Variants in CR1 observed in about 807,000 individuals in gnomAD.
The protein encoded by CR1 is complement C3b/C4b receptor 1 (Knops blood group).
In CR1, 116 loss-of-function variants were observed where a neutral mutation model predicts 187.3. The observed-to-expected ratio is 0.62, with a 90% CI of 0.53 to 0.72. The LOEUF is 0.72. CR1 is among the 30% of genes least tolerant of loss of function. The probability of loss-of-function intolerance (pLI) is 0.00; values close to 1 mark genes in which losing one functional copy is unlikely to be tolerated. For synonymous variants in CR1, 576 were observed against 747.1 expected (o/e 0.77, Z 3.73); for missense variants, 1,731 against 2,110.7 (o/e 0.82, Z 3.52).
chr1:207,632,813 A>G (rs1405404589), intron 46 of CR1, among the ~76,000 whole-genome samples: 6 of 94,948 alleles, frequency 6.3e-5, no homozygotes, highest in Middle Eastern at 5.7e-3. Flanking sequence ...AAAAAAAAAA[A>G]AAAAAAAAAA....
At chr1:207,616,532 A>G in intron 40 of CR1, 43 bp from the exon 41 acceptor site, 1 of 1,593,844 alleles carries the variant, frequency 6.3e-7, no homozygotes, top group Non-Finnish European at 8.6e-7. Context: ...AGTCATCTTA[A>G]GTGAAATTCT....
At chr1:207,514,900 G>A (rs2102293511) in intron 4 of CR1, among the ~76,000 whole-genome samples, 1 of 149,128 alleles carries the variant, frequency 6.7e-6, no homozygotes, top group East Asian at 1.9e-4. Context: ...AAGGTATGTG[G>A]CCTGGAGTTT....
At position 207,567,905 on chromosome 1, in the gene CR1, C is replaced by G. The variant is rs747595626; in HGVS notation, c.4034C>G (p.Ala1345Gly). Residue 1345 changes from alanine to glycine, a missense_variant, in exon 25 of 47, where the codon GCA becomes GGA. Physicochemically the swap from Ala to Gly is moderately conservative, Grantham distance 60. Around this residue, in one of 5 missense-constraint regions of CR1, gnomAD observed 1,312 missense variants for 1,379.6 expected, o/e 0.95. Transcript: ENST00000367049. The part of the protein sequence containing the change: ...KPLEVFPFGK[A>G]VNYTCDPHPD... ...CTGGAAGTCTTTCCCTTTGGAAAAGCAGTAAATTACACATGCGACCCCCAC... is the reference window on the plus strand; with the variant it reads ...CTGGAAGTCTTTCCCTTTGGAAAAGGAGTAAATTACACATGCGACCCCCAC... The G allele has an allele frequency of 6.2e-7, 1 of 1,610,778 alleles. No homozygotes were observed. The highest frequency in any genetic ancestry group is 8.5e-7 in the Non-Finnish European group (1 of 1,179,644).
At position 207,496,336 on chromosome 1, in the gene CR1, C is replaced by CA. The variant is rs1659080438; in HGVS notation, c.69_70insA (p.Gly24ArgfsTer36). 3 of 1,613,196 alleles carry CA rather than the reference C, an allele frequency of 1.9e-6. No homozygotes were observed. Among genetic ancestry groups the CA allele is most frequent in the Non-Finnish European group, 2.5e-6 (3 of 1,179,730 alleles). Reference sequence around the variant, plus strand: ...CGGCGCCCGGTCTCCCCTTCTGCTGCGGAGGATCCCTGCTGGCGGTTGTGG... The same window carrying CA: ...CGGCGCCCGGTCTCCCCTTCTGCTGCAGGAGGATCCCTGCTGGCGGTTGTGG... On this transcript the variant is annotated frameshift_variant, in exon 1 of 47. Transcript: ENST00000367049. LOFTEE classifies it high-confidence loss of function.
At chr1:207,575,760 C>T in intron 28 of CR1, 80 bp downstream of exon 28, 1 of 1,595,564 alleles carries the variant, frequency 6.3e-7, no homozygotes, top group Non-Finnish European at 8.6e-7. Flanking sequence ...GAATGGATCT[C>T]ATCCCTCTTG....
chr1:207,599,780 C>T (rs2102371020), intron 35 of CR1, among the ~76,000 whole-genome samples: 1 of 152,202 alleles, frequency 6.6e-6, no homozygotes, highest in Non-Finnish European at 1.5e-5. Context: ...GAGGAGATAT[C>T]CTATACACAT....
chr1:207,513,154 G>C (rs773535467), intron 4 of CR1, among the ~76,000 whole-genome samples: 2 of 152,248 alleles, frequency 1.3e-5, no homozygotes, highest in Non-Finnish European at 2.9e-5. Flanking sequence ...TCGGCTATCC[G>C]TCTACTTTGG....
intron 46 of CR1, among the ~76,000 whole-genome samples, chr1:207,638,029 T>A (rs1662869823): frequency 6.6e-6 from 1 of 152,258 alleles, no homozygotes; most frequent in South Asian, 2.1e-4. Context: ...AGTAGTAGTC[T>A]GATTTCTATA....
intron 1 of CR1, among the ~76,000 whole-genome samples, chr1:207,498,336 G>A (rs1482612426): frequency 2.0e-5 from 3 of 152,166 alleles, no homozygotes; most frequent in Non-Finnish European, 4.4e-5. Flanking sequence ...GGCTTTACTA[G>A]CACTTAAAGA....
At chr1:207,575,789 T>C (rs747181771) in intron 28 of CR1, 109 bp downstream of exon 28, 14 of 1,544,666 alleles carry the variant, frequency 9.1e-6, no homozygotes, top group Non-Finnish European at 1.2e-5. Flanking sequence ...ATCCTTCTGA[T>C]ATTTGAAGAA....
intron 35 of CR1, chr1:207,600,684 T>A (rs1661577923): frequency 6.6e-6 from 1 of 152,158 alleles, no homozygotes. Context: ...TTCTTCTAAG[T>A]CCTTTACTTG....
intron 1 of CR1, among the ~76,000 whole-genome samples, chr1:207,499,583 C>T (rs1404315084): frequency 6.6e-6 from 1 of 152,196 alleles, no homozygotes; most frequent in Admixed American, 6.5e-5. Context: ...CAGCAGAGCA[C>T]ATATTCTCCC....
chr1:207,585,080 G>A (rs548395418), intron 33 of CR1, among the ~76,000 whole-genome samples: 1 of 152,288 alleles, frequency 6.6e-6, no homozygotes, highest in South Asian at 2.1e-4. Context: ...AACTCTTCTT[G>A]CTGGTGGAGT....
rs2102404266 is a variant in CR1 at position 207,621,985 on chromosome 1, C to T, written c.7265C>T (p.Ala2422Val). 1 of 1,597,508 alleles carries T rather than the reference C, an allele frequency of 6.3e-7. No homozygotes were observed. Among genetic ancestry groups the T allele is most frequent in the South Asian group, 1.1e-5 (1 of 88,720 alleles). The change falls in exon 44 of 47, where the codon GCT (alanine) becomes GTT (valine). Residue 2422 changes from alanine (A) to valine (V), a missense_variant. Coordinates refer to ENST00000367049, the MANE Select transcript of CR1 (RefSeq NM_000651.6). ...GTCTTCCTTTTAGGTACACATGATG[C>T]TCTCATAGTTGGTAAGTTTTATGAA... ...LAKCTSRTHDALIVGTLSGTI... is the reference protein window; with the variant it reads ...LAKCTSRTHDVLIVGTLSGTI...
At chr1:207,599,219 G>T (rs957179854) in intron 35 of CR1, among the ~76,000 whole-genome samples, 2 of 152,138 alleles carry the variant, frequency 1.3e-5, no homozygotes, top group African/African-American at 4.8e-5. Flanking sequence ...ACATAAAAAT[G>T]GCCTTAAAAA....
chr1:207,630,669 T>C, intron 46 of CR1, 48 bp downstream of exon 46: 3 of 1,323,384 alleles, frequency 2.3e-6, no homozygotes, highest in Non-Finnish European at 3.1e-6. Context: ...AACTCAAATA[T>C]CAAAAATGGA....
rs142756244 is a variant in CR1, at chr1:207,610,332, T to C, written c.6295+644T>C. On this transcript the variant is annotated intron_variant, in intron 37 of 46. Transcript: ENST00000367049. Reference sequence around the variant, plus strand: ...TTCTTTGAGGTTTTTTGATTGTTTGTTTGTTTGTATGTTTGTTTGAGAGAA... The same window carrying C: ...TTCTTTGAGGTTTTTTGATTGTTTGCTTGTTTGTATGTTTGTTTGAGAGAA... 3.6e-3 allele frequency among the ~76,000 whole-genome samples: 549 copies of C among 152,254 alleles called. 7 individuals carry two copies. The highest frequency in any genetic ancestry group is 0.013 in the African/African-American group (532 of 41,540).
At chr1:207,575,717 T>C (rs1293202690) in intron 28 of CR1, 37 bp downstream of exon 28, 1 of 1,611,486 alleles carries the variant, frequency 6.2e-7, no homozygotes, top group Non-Finnish European at 8.5e-7. Flanking sequence ...ACCCCACCAT[T>C]GAATCCTAGA....
chr1:207,625,253 T>G (rs1662445652), intron 45 of CR1, among the ~76,000 whole-genome samples: 1 of 152,228 alleles, frequency 6.6e-6, no homozygotes, highest in South Asian at 2.1e-4. Flanking sequence ...CCTCCTATTT[T>G]TTTCATATTC....
Sources: allele counts gnomAD v4.1 joint callset (sites outside exome capture counted in the v4.1 genomes callset), GRCh38; gene constraint gnomAD v4.1.1; regional missense constraint gnomAD v4.1.1; transcripts MANE v1.5; gene names NCBI Gene and HGNC (gene_info 2026-07-23, HGNC 2026-07-21).